Variants in LRRC74B observed in about 807,000 individuals in gnomAD.
The protein encoded by LRRC74B is leucine rich repeat containing 74B, also known as leucine-rich repeat-containing protein 74B.
Under a neutral mutation model 16.6 loss-of-function variants are expected in LRRC74B, and 30 were observed. That is an observed-to-expected ratio of 1.80 (90% CI 1.35 to 2.45). The LOEUF (loss-of-function observed/expected upper bound fraction) is 2.45, where lower values mean the gene tolerates loss of function less well. Ranked by LOEUF, LRRC74B falls within the 30% of genes most tolerant of loss-of-function variation. The pLI is 0.00. For synonymous variants in LRRC74B, 134 were observed against 86.0 expected (o/e 1.56, Z -3.09); for missense variants, 326 against 202.4 (o/e 1.61, Z -3.71).
intron 7 of LRRC74B, chr22:21,056,472 AG>A (rs1362511962): frequency 3.9e-5 from 6 of 151,908 alleles, no homozygotes; most frequent in African/African-American, 1.5e-4. Flanking sequence ...ACTGCACTCC[AG>A]TCTGGATGAC....
intron 3 of LRRC74B, 86 bp from the exon 4 acceptor site, chr22:21,048,865 T>A (rs1929714975): frequency 1.5e-6 from 1 of 675,348 alleles, no homozygotes; most frequent in African/African-American, 1.8e-5. Flanking sequence ...TTCCTCAGCC[T>A]CAGACCTGGA....
chr22:21,055,160 C>T (rs139014995), exon 7 of LRRC74B: 107 of 716,832 alleles, frequency 1.5e-4, no homozygotes, highest in African/African-American at 9.1e-4. Flanking sequence ...GTCAACCAGA[C>T]GCTGAGGATT....
chr22:21,050,193 G>A (rs1259767728), intron 4 of LRRC74B, among the ~76,000 whole-genome samples: 1 of 152,070 alleles, frequency 6.6e-6, no homozygotes, highest in Non-Finnish European at 1.5e-5. Context: ...CGTGCGACAA[G>A]GCCTGGCTAA....
chr22:21,053,425 G>C (rs776794142), exon 6 of LRRC74B: 2 of 717,294 alleles, frequency 2.8e-6, no homozygotes, highest in African/African-American at 3.5e-5. Context: ...GAGCCTCTGC[G>C]GTGGGTGAGG....
exon 3 of LRRC74B, chr22:21,047,984 C>T: frequency 1.4e-6 from 1 of 717,284 alleles, no homozygotes; most frequent in East Asian, 2.7e-5. Flanking sequence ...GAGGCCCTGG[C>T]AGGTGCCCTG....
At chr22:21,046,673 C>T (rs1183893271) in intron 1 of LRRC74B, among the ~76,000 whole-genome samples, 1 of 151,934 alleles carries the variant, frequency 6.6e-6, no homozygotes, top group Non-Finnish European at 1.5e-5. Context: ...TGCTCTGTCA[C>T]CCGGGCGTCA....
Position 21,060,450 on chromosome 22 carries a change from T to TG in LRRC74B, c.1103dup (p.Ala369ArgfsTer7), listed in dbSNP as rs1930756994. On this transcript the variant is annotated frameshift_variant, in exon 9 of 9. Transcript: ENST00000442047. LOFTEE classifies it high-confidence loss of function. ...TTCTTCCAGAACTCTGCATAAAGAC[T>TG]GGCGCTTGCAGAGTGGAGTATAAAA... is the stretch of plus-strand genomic sequence containing the variant. 1.4e-6 allele frequency: 1 copy of TG among 716,920 alleles called. No individual in the cohort carries two copies. Among genetic ancestry groups the TG allele is most frequent in the African/African-American group, 1.7e-5 (1 of 57,220 alleles). The allele number at this position is 716,920 out of a possible 1,614,324, so 44.4% of individuals were successfully genotyped here.
intron 4 of LRRC74B, among the ~76,000 whole-genome samples, chr22:21,050,471 A>G (rs1305261453): frequency 6.6e-6 from 1 of 151,980 alleles, no homozygotes; most frequent in African/African-American, 2.4e-5. Flanking sequence ...AAATTATTGC[A>G]AGAAGTCAGT....
intron 3 of LRRC74B, chr22:21,048,698 A>G (rs1313454387): frequency 2.0e-6 from 1 of 511,122 alleles, no homozygotes; most frequent in African/African-American, 1.9e-5. Flanking sequence ...GCCCCCCACC[A>G]CAGCAGTCTC....
chr22:21,058,121 G>T (rs1328555259), intron 8 of LRRC74B, among the ~76,000 whole-genome samples: 2 of 149,466 alleles, frequency 1.3e-5, no homozygotes, highest in Non-Finnish European at 3.0e-5. Flanking sequence ...GGCTGGTCTC[G>T]AACTCCTGAC....
intron 1 of LRRC74B, among the ~76,000 whole-genome samples, chr22:21,046,638 T>C (rs1158876674): frequency 6.6e-6 from 1 of 151,564 alleles, no homozygotes. Context: ...ATAAATAAAT[T>C]ATTTATTTAT....
downstream of LRRC74B, chr22:21,062,135 T>TCC (rs1439919385): frequency 1.3e-5 from 2 of 152,202 alleles, no homozygotes; most frequent in Non-Finnish European, 2.9e-5. Flanking sequence ...ACCGCATTTA[T>TCC]GTGAAACATC....
intron 4 of LRRC74B, among the ~76,000 whole-genome samples, chr22:21,050,571 G>A (rs1929933122): frequency 1.3e-5 from 2 of 151,868 alleles, no homozygotes; most frequent in South Asian, 4.2e-4. Context: ...GAGGTCAGGA[G>A]ATCGAGACCA....
At chr22:21,048,172 G>C in intron 3 of LRRC74B, 156 bp downstream of exon 3, 1 of 636,230 alleles carries the variant, frequency 1.6e-6, no homozygotes, top group Non-Finnish European at 2.9e-6. Flanking sequence ...ATGTGGGGTG[G>C]AGTTAGACCC....
At chr22:21,047,927 T>A (rs1226410720) in exon 3 of LRRC74B, 1 of 717,342 alleles carries the variant, frequency 1.4e-6, no homozygotes. Flanking sequence ...AATCCATATG[T>A]CAAGCGGCTG....
chr22:21,049,303 T>C, intron 4 of LRRC74B, 146 bp downstream of exon 4: 1 of 599,620 alleles, frequency 1.7e-6, no homozygotes. Context: ...CCCACTCCTC[T>C]TCCACTCCAG....
intron 6 of LRRC74B, chr22:21,054,057 G>C (rs942547629): frequency 1.3e-5 from 2 of 152,202 alleles, no homozygotes; most frequent in African/African-American, 4.8e-5. Flanking sequence ...CAGGTTCTGT[G>C]GCTCACAACT....
At chr22:21,063,638 A>C (rs999081210), downstream of LRRC74B, 1 of 152,186 alleles carries the variant, frequency 6.6e-6, no homozygotes, top group African/African-American at 2.4e-5. Context: ...ATACCAGTGC[A>C]TTCCAGCCTG....
At chr22:21,057,269 GAAGA>G in intron 8 of LRRC74B, 69 bp downstream of exon 8, 1 of 692,286 alleles carries the variant, frequency 1.4e-6, no homozygotes, top group Non-Finnish European at 2.7e-6. Flanking sequence ...AATTTTAGAA[GAAGA>G]AAGTGAGGGT....
Sources: gnomAD v4.1 joint callset for allele counts (sites outside exome capture counted in the v4.1 genomes callset) on GRCh38, gnomAD v4.1.1 for gene constraint, MANE v1.5 for transcripts, NCBI Gene and HGNC (gene_info 2026-07-23, HGNC 2026-07-21) for gene names.